KLHDC4: variants seen among roughly 807,000 people sequenced by gnomAD.
KLHDC4 encodes kelch domain containing 4, also known as kelch domain-containing protein 4.
Under a neutral mutation model 62.4 loss-of-function variants are expected in KLHDC4, and 90 were observed. The observed-to-expected ratio is 1.44, with a 90% CI of 1.22 to 1.72. KLHDC4 has a LOEUF of 1.72. KLHDC4 is among the 40% of genes most tolerant of loss of function. The pLI is 0.00. For synonymous variants in KLHDC4, 386 were observed against 284.4 expected (o/e 1.36, Z -3.59); for missense variants, 1,025 against 699.7 (o/e 1.47, Z -5.25).
chr16:87,701,606 G>C (rs578187814), exon 1 of KLHDC4: 1 of 433,692 alleles, frequency 2.3e-6, no homozygotes, highest in Non-Finnish European at 4.7e-6. Context: ...GGGGTCGGCA[G>C]AGTGGGCCAG....
chr16:87,720,365 G>C (rs1324890320), intron 7 of KLHDC4, among the ~76,000 whole-genome samples: 1 of 152,160 alleles, frequency 6.6e-6, no homozygotes, highest in African/African-American at 2.4e-5. Flanking sequence ...AACCATGGGG[G>C]CCGCTCCTTC....
chr16:87,761,588 A>G (rs2045904868), intron 2 of KLHDC4, among the ~76,000 whole-genome samples: 1 of 152,250 alleles, frequency 6.6e-6, no homozygotes, highest in Admixed American at 6.5e-5. Context: ...AACACATCAA[A>G]AGGCCACAGT....
intron 6 of KLHDC4, 74 bp from the exon 7 acceptor site, chr16:87,726,998 T>A: frequency 1.3e-6 from 2 of 1,495,588 alleles, no homozygotes; most frequent in Non-Finnish European, 1.8e-6. Context: ...TGAACTGATT[T>A]AAATTAAAGG....
At chr16:87,736,388 C>G (rs992914651) in intron 5 of KLHDC4, among the ~76,000 whole-genome samples, 2 of 152,200 alleles carry the variant, frequency 1.3e-5, no homozygotes, top group Admixed American at 6.5e-5. Flanking sequence ...ACCACTGCTG[C>G]ACCGGCGGCC....
intron 3 of KLHDC4, 71 bp downstream of exon 3, chr16:87,756,328 G>T: frequency 1.7e-6 from 2 of 1,171,864 alleles, no homozygotes; most frequent in Non-Finnish European, 2.6e-6. Context: ...TGATGTCACT[G>T]CCTTAAGTTA....
At chr16:87,711,145 A>C (rs1182726639) in intron 9 of KLHDC4, 90 bp downstream of exon 9, 6 of 1,406,688 alleles carry the variant, frequency 4.3e-6, no homozygotes, top group African/African-American at 4.2e-5. Context: ...GGGGGCCCCA[A>C]TACCAAAAGG....
At chr16:87,754,248 G>C (rs1429718967) in intron 4 of KLHDC4, among the ~76,000 whole-genome samples, 1 of 151,554 alleles carries the variant, frequency 6.6e-6, no homozygotes, top group African/African-American at 2.4e-5. Context: ...CAGGAGGCTG[G>C]GGCAGGAGAA....
intron 4 of KLHDC4, among the ~76,000 whole-genome samples, chr16:87,754,129 G>C (rs2044479503): frequency 1.3e-5 from 2 of 152,016 alleles, no homozygotes; most frequent in African/African-American, 4.8e-5. Context: ...GACAGAGCAA[G>C]ACTCCCTCTC....
In KLHDC4 at chr16:87,708,083, G is replaced by A. The variant is rs1244616658; in HGVS notation, c.*2-8C>T. 1.8e-5 allele frequency: 11 copies of A among 594,650 alleles called. No homozygotes were observed. Among genetic ancestry groups the A allele is most frequent in the Non-Finnish European group, 2.8e-5 (9 of 316,444 alleles). The allele number at this position is 594,650 out of a possible 1,614,324, so 36.8% of individuals were successfully genotyped here. On this transcript the variant is annotated splice_region_variant and splice_polypyrimidine_tract_variant and intron_variant, in intron 11 of 11. Coordinates refer to ENST00000270583, the MANE Select transcript of KLHDC4 (RefSeq NM_017566.4). ...CCCCTGGCAGGGGCTCTTCTGATAC[G>A]CAAGGAGGAAGGAATGAGAGAGAAA...
rs373047136 is a variant in KLHDC4, at chr16:87,752,234, C to G, written c.369+2960G>C. Among the ~76,000 whole-genome samples the G allele has an allele frequency of 2.0e-5, 3 of 149,826 alleles. No individual in the cohort carries two copies. In the East Asian group the frequency reaches 5.8e-4, roughly 29 times the overall value. ...CTTGCCTGGGCAATATAGCGAGACC[C>G]GTTCTCCACAAAAAAGAAAAAAAAA... is the stretch of plus-strand genomic sequence containing the variant. On this transcript the variant is annotated intron_variant, in intron 4 of 11. Transcript: ENST00000270583.
At chr16:87,727,709 G>GT (rs1192853356) in intron 6 of KLHDC4, among the ~76,000 whole-genome samples, 2 of 152,206 alleles carry the variant, frequency 1.3e-5, no homozygotes, top group East Asian at 1.9e-4. Context: ...TCGTGAAAGC[G>GT]TAAGGGGCTG....
At position 87,707,925 on chromosome 16, in the gene KLHDC4, G is replaced by C. The variant is rs1481372643; in HGVS notation, c.*152C>G. 2.2e-6 allele frequency: 1 copy of C among 462,582 alleles called. No homozygotes were observed. The highest frequency in any genetic ancestry group is 6.8e-5 in the East Asian group (1 of 14,660). 28.7% of individuals were successfully genotyped at this position (462,582 alleles called of 1,614,324 possible). A position where few individuals can be genotyped will look rare whatever the true frequency, so the allele number is the denominator to read the frequency against. On this transcript the variant is annotated 3_prime_UTR_variant, in exon 12 of 12. Coordinates refer to ENST00000270583, the MANE Select transcript of KLHDC4 (RefSeq NM_017566.4). ...TGCCGCGTCAGAGACTAAACCATGG[G>C]AGAAAGTTCACACCCTGGCCTGGGC...
intron 7 of KLHDC4, among the ~76,000 whole-genome samples, chr16:87,718,811 G>A (rs890066041): frequency 6.6e-6 from 1 of 151,618 alleles, no homozygotes; most frequent in Non-Finnish European, 1.5e-5. Flanking sequence ...CATCGTCTGA[G>A]ATGTGGGGAG....
chr16:87,702,353 GGGTGCA>G, exon 1 of KLHDC4: 1 of 448,516 alleles, frequency 2.2e-6, no homozygotes, highest in Non-Finnish European at 4.5e-6. Context: ...ATGGGTGTGA[GGGTGCA>G]GGGGCAGGGG....
chr16:87,736,122 G>C (rs1200125016), intron 5 of KLHDC4, among the ~76,000 whole-genome samples: 1 of 152,190 alleles, frequency 6.6e-6, no homozygotes, highest in Non-Finnish European at 1.5e-5. Flanking sequence ...TCATTGTGCT[G>C]TCCGAGTGCA....
chr16:87,709,877 T>C, intron 9 of KLHDC4: 1 of 610,108 alleles, frequency 1.6e-6, no homozygotes, highest in South Asian at 2.2e-5. Context: ...CGCCGTTCAC[T>C]CCTGGGCTGG....
chr16:87,760,901 C>CT (rs1395277939), intron 2 of KLHDC4, among the ~76,000 whole-genome samples: 1 of 152,004 alleles, frequency 6.6e-6, no homozygotes, highest in Admixed American at 6.6e-5. Flanking sequence ...GGTATGGTGG[C>CT]TGGCGCCTGT....
In KLHDC4 at chr16:87,740,362, G is replaced by T. The variant is rs559793389; in HGVS notation, c.506+8311C>A. Among the ~76,000 whole-genome samples, 4 of 152,188 alleles carry T rather than the reference G, an allele frequency of 2.6e-5. No homozygotes were observed. The South Asian group carries it at 6.2e-4, about 24-fold the overall frequency. ...GAGGCCCAGGGCTGAGCAGCACAAC[G>T]GGAGATTGACAAGTTGTGGGGGTGG... On this transcript the variant is annotated intron_variant, in intron 5 of 11. Transcript: ENST00000270583.
At chr16:87,727,023 T>C in intron 6 of KLHDC4, 99 bp from the exon 7 acceptor site, 3 of 1,336,340 alleles carry the variant, frequency 2.2e-6, no homozygotes, top group Non-Finnish European at 3.1e-6. Context: ...TTTCCTACTG[T>C]TTGGGGAAAA....
Sources: gnomAD v4.1 joint callset for allele counts (sites outside exome capture counted in the v4.1 genomes callset) on GRCh38, gnomAD v4.1.1 for gene constraint, MANE v1.5 for transcripts, NCBI Gene and HGNC (gene_info 2026-07-23, HGNC 2026-07-21) for gene names.